Variants in ADAMTS3 observed in about 807,000 individuals in gnomAD.
The protein encoded by ADAMTS3 is ADAM metallopeptidase with thrombospondin type 1 motif 3, also known as A disintegrin and metalloproteinase with thrombospondin motifs 3.
A neutral mutation model predicts 129.0 loss-of-function variants in ADAMTS3; 73 were observed. The observed-to-expected ratio is 0.57, with a 90% CI of 0.47 to 0.69. The LOEUF is 0.69. ADAMTS3 is among the 30% of genes least tolerant of loss of function. ADAMTS3 has a pLI of 0.00. For missense variants in ADAMTS3, 1,457 were observed against 1,514.5 expected (o/e 0.96, Z 0.63); for synonymous variants, 477 against 510.8 (o/e 0.93, Z 0.89).
At chr4:72,441,018 T>C (rs1718099125) in intron 3 of ADAMTS3, among the ~76,000 whole-genome samples, 1 of 151,844 alleles carries the variant, frequency 6.6e-6, no homozygotes, top group Admixed American at 6.6e-5. Flanking sequence ...GATCAAAATA[T>C]AGGACATATC....
intron 3 of ADAMTS3, among the ~76,000 whole-genome samples, chr4:72,521,482 A>T (rs570863869): frequency 1.3e-5 from 2 of 152,316 alleles, no homozygotes; most frequent in Admixed American, 1.3e-4. Context: ...TTTCAAGCTC[A>T]CTGAGTTGTT....
At position 72,283,330 on chromosome 4, in the gene ADAMTS3, C is replaced by T. The variant is rs200281232; in HGVS notation, c.3424G>A (p.Val1142Met). The change falls in exon 22 of 22, where the codon GTG becomes ATG. Residue 1142 changes from valine to methionine, a missense_variant. Coordinates refer to ENST00000286657, the MANE Select transcript of ADAMTS3 (RefSeq NM_014243.3). ...RSAQQAGSKT[V>M]RLVTVPSSPP... ...GAGGATGGTACGGTGACCAGTCTCA[C>T]AGTCTTACTTCCTGCTTGCTGAGCA... 632 of 1,613,968 alleles carry T rather than the reference C, an allele frequency of 3.9e-4. 6 individuals carry two copies. The highest frequency in any genetic ancestry group is 2.5e-3 in the South Asian group (228 of 91,068).
chr4:72,307,566 C>A (rs1422529052), intron 15 of ADAMTS3, among the ~76,000 whole-genome samples: 3 of 151,908 alleles, frequency 2.0e-5, no homozygotes, highest in African/African-American at 7.3e-5. Flanking sequence ...CATTGACTAT[C>A]CCATAAGTCA....
intron 3 of ADAMTS3, among the ~76,000 whole-genome samples, chr4:72,428,184 G>A (rs1719060948): frequency 6.6e-6 from 1 of 151,766 alleles, no homozygotes; most frequent in African/African-American, 2.4e-5. Context: ...TTGAAGTAGA[G>A]GTTCCACCTA....
At chr4:72,546,277 C>T (rs1015794086) in intron 3 of ADAMTS3, among the ~76,000 whole-genome samples, 1 of 152,126 alleles carries the variant, frequency 6.6e-6, no homozygotes, top group Non-Finnish European at 1.5e-5. Flanking sequence ...AACCCCTACC[C>T]TACCAGTAAA....
chr4:72,496,912 T>C (rs1287884515), intron 3 of ADAMTS3, among the ~76,000 whole-genome samples: 1 of 152,068 alleles, frequency 6.6e-6, no homozygotes, highest in Non-Finnish European at 1.5e-5. Flanking sequence ...AAATCCTCCA[T>C]TTTGATACCA....
intron 3 of ADAMTS3, among the ~76,000 whole-genome samples, chr4:72,505,352 ATG>A (rs1421987678): frequency 6.6e-6 from 1 of 152,132 alleles, no homozygotes; most frequent in Non-Finnish European, 1.5e-5. Context: ...CTATAGCACT[ATG>A]CACTTCTGTT....
chr4:72,395,372 T>A (rs749875419), intron 4 of ADAMTS3, among the ~76,000 whole-genome samples: 4 of 152,026 alleles, frequency 2.6e-5, no homozygotes, highest in Non-Finnish European at 5.9e-5. Flanking sequence ...CTAGCATGTA[T>A]AAGGACAAAA....
chr4:72,530,592 A>G (rs1446025053), intron 3 of ADAMTS3, among the ~76,000 whole-genome samples: 5 of 82,938 alleles, frequency 6.0e-5, no homozygotes, highest in Admixed American at 2.1e-4. Context: ...TTAAATATAT[A>G]TTAATATTAA....
intron 4 of ADAMTS3, among the ~76,000 whole-genome samples, chr4:72,345,782 T>C (rs1720266389): frequency 6.6e-6 from 1 of 152,174 alleles, no homozygotes; most frequent in African/African-American, 2.4e-5. Context: ...GGGAAACTTC[T>C]TACCTTTTAA....
At chr4:72,467,117 T>C (rs1718942879) in intron 3 of ADAMTS3, among the ~76,000 whole-genome samples, 1 of 152,098 alleles carries the variant, frequency 6.6e-6, no homozygotes, top group Non-Finnish European at 1.5e-5. Flanking sequence ...CTCTCCTCCA[T>C]TTTCCATAGT....
intron 3 of ADAMTS3, among the ~76,000 whole-genome samples, chr4:72,523,155 A>T (rs1358704865): frequency 1.3e-5 from 2 of 152,090 alleles, no homozygotes; most frequent in African/African-American, 4.8e-5. Context: ...AAAAAGAAAA[A>T]GTAAGAAAAG....
At chr4:72,505,036 TTTTACA>T (rs1458625192) in intron 3 of ADAMTS3, among the ~76,000 whole-genome samples, 2 of 152,136 alleles carry the variant, frequency 1.3e-5, no homozygotes, top group African/African-American at 4.8e-5. Flanking sequence ...GCAATCCACG[TTTTACA>T]TTCTTTATCT....
intron 3 of ADAMTS3, among the ~76,000 whole-genome samples, chr4:72,530,282 A>G (rs1720970801): frequency 1.2e-5 from 1 of 83,030 alleles, no homozygotes; most frequent in Non-Finnish European, 2.1e-5. Flanking sequence ...TATAATATAT[A>G]ATAACATATA....
At chr4:72,370,241 G>A (rs1378925116) in intron 4 of ADAMTS3, among the ~76,000 whole-genome samples, 2 of 152,188 alleles carry the variant, frequency 1.3e-5, no homozygotes, top group Non-Finnish European at 2.9e-5. Flanking sequence ...GAACGGACCA[G>A]TGGCCGACTC....
At chr4:72,292,242 A>G (rs1718691829) in intron 19 of ADAMTS3, among the ~76,000 whole-genome samples, 1 of 152,202 alleles carries the variant, frequency 6.6e-6, no homozygotes, top group Non-Finnish European at 1.5e-5. Flanking sequence ...TTCACATTCT[A>G]CAGAGGATAC....
At chr4:72,365,533 A>G (rs768989471) in intron 4 of ADAMTS3, among the ~76,000 whole-genome samples, 1 of 152,220 alleles carries the variant, frequency 6.6e-6, no homozygotes. Flanking sequence ...CACTGCATAC[A>G]GTCCTGTAGG....
At chr4:72,288,041 T>C (rs1718556913) in intron 21 of ADAMTS3, among the ~76,000 whole-genome samples, 1 of 152,122 alleles carries the variant, frequency 6.6e-6, no homozygotes, top group Non-Finnish European at 1.5e-5. Context: ...AATTTTTGTA[T>C]TTTTAGTAGA....
At chr4:72,450,900 G>T (rs1307407562) in intron 3 of ADAMTS3, among the ~76,000 whole-genome samples, 3 of 147,600 alleles carry the variant, frequency 2.0e-5, no homozygotes, top group African/African-American at 7.5e-5. Context: ...GCAATAGAAA[G>T]AGGAGGAGGA....
Sources: gnomAD v4.1 joint callset for allele counts (sites outside exome capture counted in the v4.1 genomes callset) on GRCh38, gnomAD v4.1.1 for gene constraint, MANE v1.5 for transcripts, NCBI Gene and HGNC (gene_info 2026-07-23, HGNC 2026-07-21) for gene names.